NCAM2: variants seen among roughly 807,000 people sequenced by gnomAD.
NCAM2 encodes neural cell adhesion molecule 2, also known as N-CAM-2.
Under a neutral mutation model 98.1 loss-of-function variants are expected in NCAM2, and 30 were observed. The ratio of observed to expected loss-of-function variants is 0.31; its 90% CI spans 0.23 to 0.41. The LOEUF is 0.41. Ranked by LOEUF, NCAM2 falls within the 10% of genes least tolerant of loss-of-function variation. The probability of loss-of-function intolerance (pLI) is 1.00; values close to 1 mark genes in which losing one functional copy is unlikely to be tolerated. For synonymous variants in NCAM2, 368 were observed against 342.4 expected (o/e 1.07, Z -0.83); for missense variants, 867 against 1,005.8 (o/e 0.86, Z 1.87).
At chr21:21,221,211 T>A (rs2070135706) in intron 1 of NCAM2, among the ~76,000 whole-genome samples, 2 of 152,138 alleles carry the variant, frequency 1.3e-5, no homozygotes, top group Admixed American at 6.6e-5. Flanking sequence ...CTCATTTTTC[T>A]CCCTCTTCTC....
intron 1 of NCAM2, among the ~76,000 whole-genome samples, chr21:21,157,296 T>G (rs1162512723): frequency 6.6e-6 from 1 of 152,178 alleles, no homozygotes; most frequent in Admixed American, 6.5e-5. Context: ...ATGAACACTT[T>G]GCTGTGCTCT....
chr21:21,386,760 G>T (rs1406953737), intron 9 of NCAM2, among the ~76,000 whole-genome samples: 1 of 141,612 alleles, frequency 7.1e-6, no homozygotes, highest in African/African-American at 2.7e-5. Flanking sequence ...CAGAGATAAT[G>T]GTAAGAAAAT....
rs989132763 is a variant in NCAM2 at position 21,465,318 on chromosome 21, A to G, written c.1655-1288A>G. On this transcript the variant is annotated intron_variant, in intron 12 of 17. Transcript: ENST00000400546. ...AATGCTAAGCCAGACCTAGTGGCCC[A>G]CTCCTGAAATCCAAGACTTTGGGAG... Among the ~76,000 whole-genome samples the G allele has an allele frequency of 1.1e-4, 16 of 151,892 alleles. 1 individual carries two copies. Among genetic ancestry groups the G allele is most frequent in the African/African-American group, 3.6e-4 (15 of 41,368 alleles).
At chr21:21,011,147 C>T (rs2064202118) in intron 1 of NCAM2, among the ~76,000 whole-genome samples, 1 of 122,480 alleles carries the variant, frequency 8.2e-6, no homozygotes, top group Non-Finnish European at 1.7e-5. Context: ...GCCATTTACT[C>T]TGCAGGGTTT....
At chr21:21,281,056 G>C (rs1037920172) in intron 2 of NCAM2, among the ~76,000 whole-genome samples, 1 of 152,092 alleles carries the variant, frequency 6.6e-6, no homozygotes, top group Admixed American at 6.6e-5. Flanking sequence ...CTCCTGAAGT[G>C]CTGGGATTAC....
chr21:21,374,161 G>A, intron 9 of NCAM2, 148 bp downstream of exon 9: 2 of 667,690 alleles, frequency 3.0e-6, no homozygotes, highest in Admixed American at 7.1e-5. Context: ...CATTCAGTCA[G>A]TTATTGGAGA....
chr21:21,323,291 G>A (rs2074424907), intron 5 of NCAM2, among the ~76,000 whole-genome samples: 1 of 152,048 alleles, frequency 6.6e-6, no homozygotes, highest in Admixed American at 6.6e-5. Flanking sequence ...GAGACAACAT[G>A]TCAGATTATG....
intron 14 of NCAM2, among the ~76,000 whole-genome samples, chr21:21,474,822 A>C (rs1984942039): frequency 6.6e-6 from 1 of 151,938 alleles, no homozygotes; most frequent in Non-Finnish European, 1.5e-5. Context: ...TACATGCTAC[A>C]TGTATATATG....
intron 1 of NCAM2, among the ~76,000 whole-genome samples, chr21:21,240,443 A>T (rs1392744262): frequency 6.6e-6 from 1 of 151,808 alleles, no homozygotes; most frequent in African/African-American, 2.4e-5. Context: ...GGATTCTTAC[A>T]TAAGATTATT....
chr21:21,009,326 T>G (rs1484674893), intron 1 of NCAM2, among the ~76,000 whole-genome samples: 2 of 152,116 alleles, frequency 1.3e-5, no homozygotes, highest in East Asian at 3.8e-4. Context: ...TAGGAGATCT[T>G]CCATAAATAT....
chr21:21,066,431 C>CAG (rs1568985970), intron 1 of NCAM2, among the ~76,000 whole-genome samples: 1 of 151,864 alleles, frequency 6.6e-6, no homozygotes, highest in East Asian at 1.9e-4. Flanking sequence ...CACACACACA[C>CAG]AGATATACAC....
In NCAM2 at chr21:21,445,135, G is replaced by T. The variant is rs532357108; in HGVS notation, c.1654+12854G>T. Reference sequence around the variant, plus strand: ...CAGATTGTTGAATGTCCATTTAATTGTGTGGTTTTGAGTGAGTTTCTTAAT... The same window carrying T: ...CAGATTGTTGAATGTCCATTTAATTTTGTGGTTTTGAGTGAGTTTCTTAAT... On this transcript the variant is annotated intron_variant, in intron 12 of 17. Transcript: ENST00000400546. Among the ~76,000 whole-genome samples, 525 of 152,224 alleles carry T rather than the reference G, an allele frequency of 3.4e-3. 3 individuals are homozygous for T. Among genetic ancestry groups the T allele is most frequent in the African/African-American group, 0.012 (497 of 41,544 alleles).
intron 1 of NCAM2, among the ~76,000 whole-genome samples, chr21:21,242,806 C>T (rs2071116673): frequency 6.6e-6 from 1 of 152,078 alleles, no homozygotes; most frequent in East Asian, 1.9e-4. Flanking sequence ...ACCTTTTTGG[C>T]ATCATGTTAT....
intron 12 of NCAM2, among the ~76,000 whole-genome samples, chr21:21,435,067 G>A (rs1052453223): frequency 4.6e-5 from 7 of 152,104 alleles, no homozygotes; most frequent in African/African-American, 1.7e-4. Context: ...TATTCATCAT[G>A]GGGTGCTGCT....
At chr21:21,131,288 G>GGC (rs1380054313) in intron 1 of NCAM2, among the ~76,000 whole-genome samples, 1 of 148,414 alleles carries the variant, frequency 6.7e-6, no homozygotes, top group Non-Finnish European at 1.5e-5. Context: ...CTGGGGGGGG[G>GGC]CTTTAATTTT....
chr21:21,120,518 C>T (rs987741256), intron 1 of NCAM2, among the ~76,000 whole-genome samples: 2 of 151,896 alleles, frequency 1.3e-5, no homozygotes, highest in Admixed American at 6.6e-5. Flanking sequence ...GGGGTAGATT[C>T]GAATAGGTGA....
At chr21:21,327,254 G>T (rs967824894) in intron 6 of NCAM2, among the ~76,000 whole-genome samples, 7 of 141,344 alleles carry the variant, frequency 5.0e-5, no homozygotes, top group African/African-American at 1.9e-4. Context: ...GTTGCAGTGA[G>T]CTGAGTTCGC....
chr21:21,318,966 A>G (rs1463222307), intron 5 of NCAM2, among the ~76,000 whole-genome samples: 6 of 152,178 alleles, frequency 3.9e-5, no homozygotes, highest in African/African-American at 1.4e-4. Context: ...ATTAATCAAT[A>G]TTTGCATAAA....
chr21:21,100,319 C>T (rs1456895562), intron 1 of NCAM2, among the ~76,000 whole-genome samples: 1 of 151,782 alleles, frequency 6.6e-6, no homozygotes, highest in Non-Finnish European at 1.5e-5. Context: ...TTACTGAAGA[C>T]GAGAGCCTGT....
Sources: allele counts gnomAD v4.1 joint callset (sites outside exome capture counted in the v4.1 genomes callset), GRCh38; gene constraint gnomAD v4.1.1; transcripts MANE v1.5; gene names NCBI Gene and HGNC (gene_info 2026-07-23, HGNC 2026-07-21).